The following AVL9 variants were observed in gnomAD, a reference collection of about 807,000 sequenced individuals.
AVL9 encodes the protein late secretory pathway protein AVL9 homolog.
In AVL9, 49 loss-of-function variants were observed where a neutral mutation model predicts 79.2. The ratio of observed to expected loss-of-function variants is 0.62; its 90% CI spans 0.49 to 0.79. The LOEUF is 0.79. AVL9 is among the 30% of genes least tolerant of loss of function. AVL9 has a pLI of 0.00. For missense variants in AVL9, 682 were observed against 776.8 expected (o/e 0.88, Z 1.45); for synonymous variants, 299 against 280.6 (o/e 1.07, Z -0.65).
At chr7:32,557,677 T>TTGAGGTGGTGGTTGCCACC (rs1790127943) in intron 8 of AVL9, among the ~76,000 whole-genome samples, 1 of 152,116 alleles carries the variant, frequency 6.6e-6, no homozygotes, top group Non-Finnish European at 1.5e-5. Context: ...GATCATTTGG[T>TTGAGGTGGTGGTTGCCACC]TGAGGTGGTG....
At chr7:32,541,134 C>T (rs894439331) in intron 1 of AVL9, among the ~76,000 whole-genome samples, 20 of 151,738 alleles carry the variant, frequency 1.3e-4, no homozygotes, top group Non-Finnish European at 2.8e-4. Flanking sequence ...ATCTCCTGAC[C>T]TCGTGATCCG....
At chr7:32,546,781 G>A (rs903305855) in intron 3 of AVL9, among the ~76,000 whole-genome samples, 1 of 151,970 alleles carries the variant, frequency 6.6e-6, no homozygotes, top group Non-Finnish European at 1.5e-5. Context: ...CCGAGATGGC[G>A]CCACTGCACT....
intron 1 of AVL9, among the ~76,000 whole-genome samples, chr7:32,498,441 G>A (rs181103966): frequency 6.6e-6 from 1 of 151,926 alleles, no homozygotes; most frequent in East Asian, 1.9e-4. Flanking sequence ...GTAGAGACGG[G>A]GTTTCACCAT....
At chr7:32,495,908 C>T in intron 1 of AVL9, 106 bp downstream of exon 1, 1 of 688,290 alleles carries the variant, frequency 1.5e-6, no homozygotes. Flanking sequence ...CAGTCCTCCC[C>T]ACAGCGCCTG....
intron 10 of AVL9, among the ~76,000 whole-genome samples, chr7:32,563,998 G>A (rs934570192): frequency 6.6e-6 from 1 of 152,154 alleles, no homozygotes; most frequent in Non-Finnish European, 1.5e-5. Context: ...TCTGAGCTGT[G>A]TTATGACTTC....
chr7:32,557,556 T>G (rs1790121676), intron 8 of AVL9, among the ~76,000 whole-genome samples: 1 of 152,208 alleles, frequency 6.6e-6, no homozygotes, highest in African/African-American at 2.4e-5. Flanking sequence ...TAGTTTCAGA[T>G]TAAACCTTTT....
intron 1 of AVL9, among the ~76,000 whole-genome samples, chr7:32,539,435 A>T (rs772477470): frequency 1.4e-5 from 2 of 139,626 alleles, no homozygotes; most frequent in Non-Finnish European, 3.2e-5. Flanking sequence ...ACATTTCCAT[A>T]AGTCCTGGGT....
chr7:32,553,255 T>C (rs1204243809), intron 6 of AVL9, among the ~76,000 whole-genome samples: 1 of 152,210 alleles, frequency 6.6e-6, no homozygotes, highest in African/African-American at 2.4e-5. Flanking sequence ...TGAAGTGCCA[T>C]GACCAAAAAC....
At chr7:32,572,307 T>G (rs1270200086) in intron 11 of AVL9, among the ~76,000 whole-genome samples, 1 of 151,364 alleles carries the variant, frequency 6.6e-6, no homozygotes, top group Non-Finnish European at 1.5e-5. Context: ...ATCCCAAATT[T>G]GAAGAAGAAA....
chr7:32,583,969 T>A lies in AVL9; in HGVS notation c.*62T>A, dbSNP rs1255736773. On this transcript the variant is annotated 3_prime_UTR_variant, in exon 16 of 16. Coordinates refer to ENST00000318709, the MANE Select transcript of AVL9 (RefSeq NM_015060.3). ...TAAGTGTCCCCTGTCTGTCTGCTGC[T>A]CCCAGGCTGTTACTAGCCACAGATC... The A allele has an allele frequency of 8.3e-7, 1 of 1,210,332 alleles. No individual in the cohort carries two copies. Among genetic ancestry groups the A allele is most frequent in the African/African-American group, 1.5e-5 (1 of 66,494 alleles). 75.0% of individuals were successfully genotyped at this position (1,210,332 alleles called of 1,614,324 possible). A position where few individuals can be genotyped will look rare whatever the true frequency, so the allele number is the denominator to read the frequency against.
chr7:32,583,833 A>C lies in AVL9; in HGVS notation c.1873A>C (p.Met625Leu). The change falls in exon 16 of 16, where the codon ATG (methionine) becomes CTG (leucine). Residue 625 changes from methionine to leucine, a missense_variant. Coordinates refer to ENST00000318709, the MANE Select transcript of AVL9 (RefSeq NM_015060.3). ...AGCTTTTTCCAGTGCAAAGACAGCT[A>C]TGTCTTCATGGCTTTCCACTTTCAC... ...GGAFSSAKTA[M>L]SSWLSTFTTS... 14 of 1,614,072 alleles carry C rather than the reference A, an allele frequency of 8.7e-6. No homozygotes were observed. Among genetic ancestry groups the C allele is most frequent in the Non-Finnish European group, 1.2e-5 (14 of 1,179,964 alleles).
intron 7 of AVL9, 69 bp from the exon 8 acceptor site, chr7:32,554,489 G>T: frequency 4.2e-6 from 4 of 961,272 alleles, no homozygotes; most frequent in Non-Finnish European, 4.7e-6. Context: ...TTATGTTTTA[G>T]GAGGGGAAAA....
At position 32,500,671 on chromosome 7, in the gene AVL9, G is replaced by A. The variant is rs552066561; in HGVS notation, c.93+4869G>A. ...CAATTGCTTTTGGTGTTTTAGTTAC[G>A]AAGTCTTTGCCATGCCTATATCCTG... is the stretch of plus-strand genomic sequence containing the variant. On this transcript the variant is annotated intron_variant, in intron 1 of 15. Transcript: ENST00000318709. Among the ~76,000 whole-genome samples, 4 of 152,104 alleles carry A rather than the reference G, an allele frequency of 2.6e-5. No homozygotes were observed. In the South Asian group the frequency reaches 6.2e-4, roughly 24 times the overall value.
chr7:32,559,290 G>A lies in AVL9; in HGVS notation c.1041G>A (p.Arg347=), dbSNP rs758098784. 13 of 1,614,012 alleles carry A rather than the reference G, an allele frequency of 8.1e-6. No individual in the cohort carries two copies. The African/African-American group carries it at 1.5e-4, about 18-fold the overall frequency. Residue 347 remains arginine, a synonymous_variant, in exon 10 of 16, where the codon AGG becomes AGA. Coordinates refer to ENST00000318709, the MANE Select transcript of AVL9 (RefSeq NM_015060.3). ...TAGAGGACCCCAACTTGAAAGAAAG[G>A]GAACAGCTGGGATCAGACCAGACAA... ...SVLEDPNLKE[R]EQLGSDQTNL...
At chr7:32,542,970 CT>C (rs913376162) in intron 1 of AVL9, among the ~76,000 whole-genome samples, 170 bp from the exon 2 acceptor site, 8 of 152,266 alleles carry the variant, frequency 5.3e-5, no homozygotes, top group Non-Finnish European at 1.0e-4. Flanking sequence ...CCTTTTACTG[CT>C]TTTTTTCCCC....
chr7:32,501,759 C>CT (rs955577142), intron 1 of AVL9, among the ~76,000 whole-genome samples: 1 of 152,148 alleles, frequency 6.6e-6, no homozygotes, highest in Non-Finnish European at 1.5e-5. Flanking sequence ...TAGTAAAATA[C>CT]TTATACACCA....
intron 12 of AVL9, among the ~76,000 whole-genome samples, chr7:32,574,728 G>A (rs1791010513): frequency 1.3e-5 from 2 of 152,230 alleles, no homozygotes; most frequent in Admixed American, 6.5e-5. Context: ...AGGTTCATAA[G>A]AGGCTTAGGT....
At chr7:32,540,573 C>G (rs1228133633) in intron 1 of AVL9, among the ~76,000 whole-genome samples, 4 of 152,164 alleles carry the variant, frequency 2.6e-5, no homozygotes, top group Admixed American at 1.3e-4. Flanking sequence ...CTGTGATTGG[C>G]TGAGCTAAGC....
intron 10 of AVL9, 121 bp downstream of exon 10, chr7:32,559,585 A>C (rs1045568554): frequency 6.6e-6 from 6 of 907,364 alleles, no homozygotes; most frequent in Non-Finnish European, 9.0e-6. Flanking sequence ...TGAAAACTGT[A>C]AAGTACAACC....
Sources: gnomAD v4.1 joint callset for allele counts (sites outside exome capture counted in the v4.1 genomes callset) on GRCh38, gnomAD v4.1.1 for gene constraint, MANE v1.5 for transcripts, NCBI Gene and HGNC (gene_info 2026-07-23, HGNC 2026-07-21) for gene names.